Variants in MAP3K20 observed in about 807,000 individuals in gnomAD.
MAP3K20 encodes mitogen-activated protein kinase kinase kinase 20, also known as HCCS-4.
A neutral mutation model predicts 85.7 loss-of-function variants in MAP3K20; 40 were observed. The ratio of observed to expected loss-of-function variants is 0.47; its 90% CI spans 0.36 to 0.61. MAP3K20 has a LOEUF of 0.61. MAP3K20 is among the 20% of genes least tolerant of loss of function. MAP3K20 has a pLI of 0.00. For synonymous variants in MAP3K20, 325 were observed against 327.7 expected, an observed-to-expected ratio of 0.99 and a Z score of 0.09; for missense variants, 817 against 961.7, an observed-to-expected ratio of 0.85 and a Z score of 1.99.
chr2:173,079,431 CACTG>C (rs1686953899), intron 1 of MAP3K20, among the ~76,000 whole-genome samples: 1 of 152,062 alleles, frequency 6.6e-6, no homozygotes, highest in African/African-American at 2.4e-5. Context: ...ACTTTATAAA[CACTG>C]TACACTTAGG....
chr2:173,247,171 T>C (rs1684936184), intron 16 of MAP3K20, among the ~76,000 whole-genome samples: 1 of 152,186 alleles, frequency 6.6e-6, no homozygotes, highest in Non-Finnish European at 1.5e-5. Flanking sequence ...TTTCCAGCCA[T>C]GTCATCTATA....
chr2:173,110,218 TATATATATATATATATATATATA>T (rs1273850739), intron 2 of MAP3K20, among the ~76,000 whole-genome samples: 91 of 8,034 alleles, frequency 0.011, 1 homozygote, highest in East Asian at 0.069. Context: ...TATATATATA[TATATATATATATATATATATATA>T]TTTTTTTTTT....
intron 2 of MAP3K20, among the ~76,000 whole-genome samples, chr2:173,159,319 T>C (rs1689573432): frequency 8.3e-6 from 1 of 120,656 alleles, no homozygotes; most frequent in African/African-American, 2.6e-5. Context: ...TCACCCAAAC[T>C]GAGTACGGGT....
intron 10 of MAP3K20, chr2:173,215,515 CCTT>C (rs1272587956): frequency 5.3e-5 from 8 of 152,244 alleles, no homozygotes; most frequent in African/African-American, 1.9e-4. Context: ...TGATTCACTG[CCTT>C]CTTTAGGGAC....
intron 2 of MAP3K20, among the ~76,000 whole-genome samples, chr2:173,163,962 C>CTTT (rs751198103): frequency 7.0e-6 from 1 of 143,698 alleles, no homozygotes; most frequent in Non-Finnish European, 1.5e-5. Flanking sequence ...TATTTCTTGA[C>CTTT]TTTTTTTTTT....
chr2:173,213,077 T>C (rs992754720), intron 10 of MAP3K20, among the ~76,000 whole-genome samples: 2 of 152,160 alleles, frequency 1.3e-5, no homozygotes, highest in African/African-American at 4.8e-5. Context: ...TGTGTATATG[T>C]ACACAGAGAA....
intron 2 of MAP3K20, among the ~76,000 whole-genome samples, chr2:173,168,105 C>T (rs188830891): frequency 1.2e-4 from 11 of 90,186 alleles, no homozygotes; most frequent in Admixed American, 3.9e-4. Context: ...AACTTTATTT[C>T]TAATAATAAT....
At chr2:173,195,064 C>T (rs182919560) in intron 7 of MAP3K20, among the ~76,000 whole-genome samples, 1 of 151,888 alleles carries the variant, frequency 6.6e-6, no homozygotes, top group South Asian at 2.1e-4. Flanking sequence ...ATTTTTCTAC[C>T]CTCTTATGAG....
intron 8 of MAP3K20, among the ~76,000 whole-genome samples, chr2:173,199,524 T>C (rs1186031619): frequency 2.6e-5 from 4 of 152,200 alleles, no homozygotes; most frequent in Non-Finnish European, 5.9e-5. Flanking sequence ...CTTTTGCCAG[T>C]AAGATGATTA....
At chr2:173,093,755 G>A (rs1192418509) in intron 2 of MAP3K20, among the ~76,000 whole-genome samples, 1 of 151,976 alleles carries the variant, frequency 6.6e-6, no homozygotes, top group Non-Finnish European at 1.5e-5. Context: ...GTCCAACAAT[G>A]ATAGACTGGA....
intron 16 of MAP3K20, among the ~76,000 whole-genome samples, chr2:173,256,832 C>T (rs1317270959): frequency 6.6e-6 from 1 of 152,024 alleles, no homozygotes; most frequent in Admixed American, 6.6e-5. Flanking sequence ...CAGTATACTT[C>T]CTCCTAAATA....
At position 173,266,713 on chromosome 2, in the gene MAP3K20, G is replaced by A. The variant is rs1007605220; in HGVS notation, c.2366G>A (p.Arg789Lys). The A allele has an allele frequency of 1.6e-5, 25 of 1,574,940 alleles. No individual in the cohort carries two copies. The highest frequency in any genetic ancestry group is 3.7e-5 in the Admixed American group (2 of 53,468). Residue 789 changes from arginine (R) to lysine (K), a missense_variant, in exon 20 of 20, where the codon AGA becomes AAA. Physicochemically the swap from Arg to Lys is conservative, Grantham distance 26. Coordinates refer to ENST00000375213, the MANE Select transcript of MAP3K20 (RefSeq NM_016653.3). ...TCTCCCGCCAAAACCAATAAAGAGA[G>A]AGCCAGAGGGGACCACCGTGGATGG... ...RPSPAKTNKE[R>K]ARGDHRGWRN...
rs1684258057 is a variant in MAP3K20, at chr2:173,221,756, TGTG to T, written c.987+4510_987+4512del. 16 of 1,232,708 alleles carry T rather than the reference TGTG, an allele frequency of 1.3e-5. No homozygotes were observed. The South Asian group carries it at 5.1e-4, about 40-fold the overall frequency. The allele number at this position is 1,232,708 out of a possible 1,614,324, so 76.4% of individuals were successfully genotyped here. ...AGAAGTATATTTATGAATCAGCAAA[TGTG>T]GTGCCTGATTATAGAAATTTGTGAT... On this transcript the variant is annotated intron_variant, in intron 11 of 19. Transcript: ENST00000375213.
rs2106331522 is a variant in MAP3K20, at chr2:173,232,428, T to C, written c.1172T>C (p.Ile391Thr). 1 of 1,614,178 alleles carries C rather than the reference T, an allele frequency of 6.2e-7. No individual in the cohort carries two copies. The highest frequency in any genetic ancestry group is 1.6e-4 in the Middle Eastern group (1 of 6,062). ...LEEEDLKDMG[I>T]VSKGHIIHFK... ...GAAGAAGACCTGAAAGACATGGGCA[T>C]TGTCTCCAAGGGGCATATCATTCAC... The change falls in exon 14 of 20, where the codon ATT becomes ACT. Residue 391 changes from isoleucine to threonine, a missense_variant. Around this residue, in one of 4 missense-constraint regions of MAP3K20, gnomAD observed 5 missense variants for 20.0 expected, o/e 0.25. Coordinates refer to ENST00000375213, the MANE Select transcript of MAP3K20 (RefSeq NM_016653.3).
chr2:173,126,966 G>A (rs941666425), intron 2 of MAP3K20, among the ~76,000 whole-genome samples: 15 of 152,156 alleles, frequency 9.9e-5, no homozygotes, highest in African/African-American at 3.6e-4. Flanking sequence ...GTTTTAGAAT[G>A]GACATTTAAG....
At chr2:173,099,456 A>G (rs1422565371) in intron 2 of MAP3K20, among the ~76,000 whole-genome samples, 3 of 151,888 alleles carry the variant, frequency 2.0e-5, no homozygotes, top group Admixed American at 2.0e-4. Flanking sequence ...AGTGGCTGAG[A>G]TTAACAGGTG....
chr2:173,088,130 G>A (rs1574000484), intron 1 of MAP3K20, among the ~76,000 whole-genome samples: 1 of 152,152 alleles, frequency 6.6e-6, no homozygotes, highest in East Asian at 1.9e-4. Flanking sequence ...TCGTGGGAGA[G>A]ATTAATGGGG....
intron 2 of MAP3K20, among the ~76,000 whole-genome samples, chr2:173,097,557 T>G (rs1687499354): frequency 6.6e-6 from 1 of 152,168 alleles, no homozygotes; most frequent in Admixed American, 6.5e-5. Flanking sequence ...AGCAGAATCC[T>G]TAAGAGGTAA....
chr2:173,262,930 A>G (rs1558917408), intron 18 of MAP3K20, among the ~76,000 whole-genome samples: 1 of 152,300 alleles, frequency 6.6e-6, no homozygotes, highest in Non-Finnish European at 1.5e-5. Context: ...CCTGCCTTAG[A>G]CAGTTTTGGA....
Sources: allele counts gnomAD v4.1 joint callset (sites outside exome capture counted in the v4.1 genomes callset), GRCh38; gene constraint gnomAD v4.1.1; regional missense constraint gnomAD v4.1.1; transcripts MANE v1.5; gene names NCBI Gene and HGNC (gene_info 2026-07-23, HGNC 2026-07-21).